The following SEC22A variants were observed in gnomAD, a reference collection of about 807,000 sequenced individuals.
SEC22A encodes SEC22 homolog A, vesicle trafficking protein.
SEC22A carries 22 observed loss-of-function variants against 35.3 expected under a neutral mutation model. The ratio of observed to expected loss-of-function variants is 0.62; its 90% CI spans 0.45 to 0.89. The LOEUF is 0.89. Ranked by LOEUF, SEC22A falls within the 40% of genes least tolerant of loss-of-function variation. SEC22A has a pLI of 0.00. For synonymous variants in SEC22A, 119 were observed against 129.5 expected (o/e 0.92, Z 0.55); for missense variants, 354 against 362.5 (o/e 0.98, Z 0.19).
At chr3:123,232,231 C>T (rs1937337071) in intron 4 of SEC22A, among the ~76,000 whole-genome samples, 1 of 152,084 alleles carries the variant, frequency 6.6e-6, no homozygotes. Flanking sequence ...TAGAGCGAGG[C>T]TCTGTCTAAA....
intron 6 of SEC22A, 70 bp from the exon 7 acceptor site, chr3:123,271,450 CAA>C: frequency 7.6e-7 from 1 of 1,324,096 alleles, no homozygotes. Context: ...TGACCTGTTA[CAA>C]TTTTATATTA....
Position 123,225,123 on chromosome 3 carries a change from A to G in SEC22A, c.367A>G (p.Lys123Glu), listed in dbSNP as rs1937197326. The change falls in exon 4 of 7, where the codon AAG becomes GAG. Residue 123 changes from lysine (K) to glutamate (E), a missense_variant. Lys to Glu is a moderately conservative substitution (Grantham distance 56, BLOSUM62 1). Transcript: ENST00000492595. ...CATAGATAACTTCATTCAGAGGACC[A>G]AGCAGCGATATAATAATCCCAGGTC... The part of the protein sequence containing the change: ...IEFDNFIQRT[K>E]QRYNNPRSLS... 2.5e-6 allele frequency: 4 copies of G among 1,607,610 alleles called. No individual in the cohort carries two copies. In the South Asian group the frequency reaches 3.3e-5, roughly 13 times the overall value.
chr3:123,259,683 A>C, intron 6 of SEC22A, 94 bp downstream of exon 6: 2 of 862,282 alleles, frequency 2.3e-6, no homozygotes, highest in Non-Finnish European at 3.7e-6. Flanking sequence ...AATTATTAAA[A>C]CTCTGAGTTC....
At chr3:123,246,798 G>A (rs1937571000) in intron 5 of SEC22A, among the ~76,000 whole-genome samples, 2 of 152,070 alleles carry the variant, frequency 1.3e-5, no homozygotes, top group East Asian at 1.9e-4. Context: ...TTTTTGGTCA[G>A]CATTAAGTGC....
intron 4 of SEC22A, among the ~76,000 whole-genome samples, chr3:123,230,152 A>C (rs1382513644): frequency 6.6e-6 from 1 of 152,116 alleles, no homozygotes; most frequent in Non-Finnish European, 1.5e-5. Flanking sequence ...AAAATACATT[A>C]ATGCATTTTT....
At chr3:123,233,579 C>G (rs1177719783) in intron 4 of SEC22A, among the ~76,000 whole-genome samples, 1 of 151,918 alleles carries the variant, frequency 6.6e-6, no homozygotes, top group Non-Finnish European at 1.5e-5. Context: ...ATGAAAAACA[C>G]ATGATTATCT....
chr3:123,250,303 G>A (rs923583207), intron 5 of SEC22A, among the ~76,000 whole-genome samples: 60 of 152,124 alleles, frequency 3.9e-4, no homozygotes, highest in African/African-American at 1.4e-3. Context: ...CCAGCTATTC[G>A]GGAGGCTGAG....
chr3:123,218,501 A>C (rs1178582134), intron 2 of SEC22A, among the ~76,000 whole-genome samples: 1 of 152,018 alleles, frequency 6.6e-6, no homozygotes, highest in East Asian at 1.9e-4. Context: ...GACAGTGATA[A>C]AGGGAGAGCA....
At chr3:123,230,475 T>C (rs1937301202) in intron 4 of SEC22A, among the ~76,000 whole-genome samples, 2 of 151,874 alleles carry the variant, frequency 1.3e-5, no homozygotes, top group South Asian at 4.2e-4. Flanking sequence ...AACAATGCAT[T>C]ATGGAGTTTG....
At chr3:123,238,863 C>CT (rs1194063860) in intron 4 of SEC22A, among the ~76,000 whole-genome samples, 2 of 152,098 alleles carry the variant, frequency 1.3e-5, no homozygotes, top group African/African-American at 4.8e-5. Flanking sequence ...CTGTGTTCTG[C>CT]TTTTACTTCT....
At chr3:123,260,509 C>T (rs1937867306) in intron 6 of SEC22A, among the ~76,000 whole-genome samples, 1 of 152,170 alleles carries the variant, frequency 6.6e-6, no homozygotes, top group South Asian at 2.1e-4. Context: ...ACCTTGGTGA[C>T]ATGGAGACTG....
intron 6 of SEC22A, among the ~76,000 whole-genome samples, chr3:123,268,482 A>C (rs1396977656): frequency 3.3e-5 from 5 of 152,158 alleles, no homozygotes; most frequent in Non-Finnish European, 7.4e-5. Context: ...CTTGTTTTAC[A>C]TATAATGTCC....
intron 5 of SEC22A, among the ~76,000 whole-genome samples, chr3:123,255,943 C>G (rs1405654529): frequency 6.7e-6 from 1 of 149,526 alleles, no homozygotes; most frequent in African/African-American, 2.5e-5. Context: ...TTTACTGAGT[C>G]ATTTCAAAGT....
At chr3:123,261,078 G>A (rs544153321) in intron 6 of SEC22A, among the ~76,000 whole-genome samples, 3 of 151,402 alleles carry the variant, frequency 2.0e-5, no homozygotes, top group South Asian at 2.1e-4. Flanking sequence ...CTTGTGATCC[G>A]CCCACCTCGG....
chr3:123,227,383 T>C (rs562952408), intron 4 of SEC22A, among the ~76,000 whole-genome samples: 64 of 151,904 alleles, frequency 4.2e-4, no homozygotes, highest in African/African-American at 1.4e-3. Flanking sequence ...GTCTACTTCA[T>C]ATAAATATCT....
intron 4 of SEC22A, among the ~76,000 whole-genome samples, chr3:123,225,829 A>T (rs1044083830): frequency 6.6e-6 from 1 of 152,050 alleles, no homozygotes; most frequent in Non-Finnish European, 1.5e-5. Flanking sequence ...ATTAACCATC[A>T]CCCTTTCTCC....
intron 6 of SEC22A, among the ~76,000 whole-genome samples, chr3:123,269,551 T>G (rs140372352): frequency 6.6e-6 from 1 of 151,540 alleles, no homozygotes; most frequent in Non-Finnish European, 1.5e-5. Flanking sequence ...TGACAAAACA[T>G]CAGACACACC....
At chr3:123,253,064 G>A (rs1937633738) in intron 5 of SEC22A, among the ~76,000 whole-genome samples, 1 of 151,920 alleles carries the variant, frequency 6.6e-6, no homozygotes, top group African/African-American at 2.4e-5. Flanking sequence ...ACATTAATTA[G>A]GCTAATACCA....
chr3:123,225,458 A>C (rs1937203850), intron 4 of SEC22A, among the ~76,000 whole-genome samples, 161 bp downstream of exon 4: 2 of 152,262 alleles, frequency 1.3e-5, no homozygotes, highest in South Asian at 4.1e-4. Flanking sequence ...GTAAGCTACC[A>C]GATGTGTGAC....
Sources: gnomAD v4.1 joint callset for allele counts (sites outside exome capture counted in the v4.1 genomes callset) on GRCh38, gnomAD v4.1.1 for gene constraint, MANE v1.5 for transcripts, NCBI Gene and HGNC (gene_info 2026-07-23, HGNC 2026-07-21) for gene names.